The following SCRN1 variants were observed in gnomAD, a reference collection of about 807,000 sequenced individuals.
SCRN1 encodes secernin 1.
SCRN1 carries 19 observed loss-of-function variants against 43.3 expected under a neutral mutation model. The ratio of observed to expected loss-of-function variants is 0.44; its 90% CI spans 0.31 to 0.64. The LOEUF is 0.64. SCRN1 is among the 30% of genes least tolerant of loss of function. The probability of loss-of-function intolerance (pLI) is 0.09; values close to 1 mark genes in which losing one functional copy is unlikely to be tolerated. For missense variants in SCRN1, 447 were observed against 524.1 expected (o/e 0.85, Z 1.44); for synonymous variants, 183 against 188.9 (o/e 0.97, Z 0.26).
In SCRN1 at chr7:29,922,708, G is replaced by A. The variant is rs1158799789; in HGVS notation, c.*1249C>T. The A allele has an allele frequency of 6.6e-6, 1 of 152,424 alleles. No individual in the cohort carries two copies. Among genetic ancestry groups the A allele is most frequent in the African/African-American group, 2.4e-5 (1 of 41,472 alleles). 9.4% of individuals were successfully genotyped at this position (152,424 alleles called of 1,614,324 possible). ...AGGAGTGGGGGGAAGATCCAGGGAA[G>A]TCAGCTGCTTTGTATTTGGGTTTGT... is the stretch of plus-strand genomic sequence containing the variant. On this transcript the variant is annotated 3_prime_UTR_variant, in exon 8 of 8. Transcript: ENST00000242059.
chr7:29,982,864 G>A (rs1180496542), intron 1 of SCRN1, among the ~76,000 whole-genome samples: 4 of 148,718 alleles, frequency 2.7e-5, no homozygotes, highest in South Asian at 2.1e-4. Context: ...TTTTTGAGAC[G>A]GATTCTCGCC....
chr7:29,969,818 C>T (rs1386361574), intron 1 of SCRN1: 3 of 456,188 alleles, frequency 6.6e-6, no homozygotes, highest in Non-Finnish European at 1.3e-5. Context: ...AGCCTCTGAC[C>T]CACAGACCCA....
intron 1 of SCRN1, among the ~76,000 whole-genome samples, chr7:29,987,389 A>C (rs1789196122): frequency 6.6e-6 from 1 of 152,248 alleles, no homozygotes; most frequent in Non-Finnish European, 1.5e-5. Context: ...TTAAAATTAG[A>C]AACAGTCGAA....
At chr7:29,938,598 C>A (rs764800497) in intron 5 of SCRN1, among the ~76,000 whole-genome samples, 5 of 152,246 alleles carry the variant, frequency 3.3e-5, no homozygotes, top group Non-Finnish European at 7.3e-5. Flanking sequence ...CGCTTAAAGG[C>A]TTTCTTAAAC....
intron 2 of SCRN1, among the ~76,000 whole-genome samples, chr7:29,961,691 G>T (rs993746077): frequency 2.0e-5 from 3 of 152,044 alleles, no homozygotes; most frequent in Non-Finnish European, 4.4e-5. Flanking sequence ...GGCTGGCCGG[G>T]CAGAGGGGCT....
At chr7:29,989,848 G>A, upstream of SCRN1, 1 of 848,124 alleles carries the variant, frequency 1.2e-6, no homozygotes, top group South Asian at 5.9e-5. Context: ...CCCGACTCAC[G>A]TGACCGCGGG....
chr7:29,938,480 C>G (rs1787416957), intron 5 of SCRN1, among the ~76,000 whole-genome samples: 1 of 152,272 alleles, frequency 6.6e-6, no homozygotes, highest in Non-Finnish European at 1.5e-5. Context: ...TAAGCAAAAT[C>G]TCTGCAGCAC....
chr7:29,984,835 C>T lies in SCRN1; in HGVS notation c.-2+4807G>A, dbSNP rs541626087. Among the ~76,000 whole-genome samples, 16 of 135,610 alleles carry T rather than the reference C, an allele frequency of 1.2e-4. No individual in the cohort carries two copies. The East Asian group carries it at 2.4e-3, about 20-fold the overall frequency. The allele number at this position is 135,610 out of a possible 152,430, so 89.0% of individuals were successfully genotyped here. On this transcript the variant is annotated intron_variant, in intron 1 of 7. Transcript: ENST00000242059. ...GCTCAGAAGGTTGGGACAGGAGAATCGCTTGAACCTGGGGCAGAGGTTGCA... is the reference window on the plus strand; with the variant it reads ...GCTCAGAAGGTTGGGACAGGAGAATTGCTTGAACCTGGGGCAGAGGTTGCA...
chr7:29,966,864 C>T (rs1457540283), intron 2 of SCRN1, among the ~76,000 whole-genome samples: 3 of 152,092 alleles, frequency 2.0e-5, no homozygotes, highest in African/African-American at 7.2e-5. Context: ...TAAGCAGCCC[C>T]TCATAGAGTT....
chr7:29,930,438 C>T (rs1787119434), intron 6 of SCRN1, among the ~76,000 whole-genome samples: 1 of 152,184 alleles, frequency 6.6e-6, no homozygotes, highest in African/African-American at 2.4e-5. Flanking sequence ...CTGACATTTT[C>T]CCACAGGTAA....
At chr7:29,944,895 A>G (rs922253717) in intron 3 of SCRN1, among the ~76,000 whole-genome samples, 1 of 151,982 alleles carries the variant, frequency 6.6e-6, no homozygotes, top group Non-Finnish European at 1.5e-5. Context: ...CCTGACTCTA[A>G]CCTGGGCAAA....
At chr7:29,934,375 T>C (rs1787254094) in intron 6 of SCRN1, among the ~76,000 whole-genome samples, 1 of 152,156 alleles carries the variant, frequency 6.6e-6, no homozygotes, top group Non-Finnish European at 1.5e-5. Flanking sequence ...CTGAGCACAG[T>C]TAGAGCTGGT....
chr7:29,990,262 C>G (rs373051038), upstream of SCRN1: 15 of 1,551,376 alleles, frequency 9.7e-6, no homozygotes, highest in African/African-American at 1.4e-5. Flanking sequence ...AGACCCTGTC[C>G]CAGGTACTTG....
chr7:29,984,740 G>A (rs1001565614), intron 1 of SCRN1, among the ~76,000 whole-genome samples: 12 of 150,380 alleles, frequency 8.0e-5, no homozygotes, highest in African/African-American at 2.9e-4. Flanking sequence ...GGCCAACATG[G>A]TGAAACCCCG....
intron 6 of SCRN1, among the ~76,000 whole-genome samples, chr7:29,934,959 C>T (rs571645664): frequency 4.6e-5 from 7 of 152,324 alleles, no homozygotes; most frequent in South Asian, 2.1e-4. Context: ...TTGCATGTGC[C>T]GTCCTCTCCA....
At chr7:29,980,348 T>C (rs2127931058) in intron 1 of SCRN1, among the ~76,000 whole-genome samples, 1 of 152,284 alleles carries the variant, frequency 6.6e-6, no homozygotes, top group East Asian at 1.9e-4. Context: ...TTCATTTCCT[T>C]CTGTTCTTAT....
intron 7 of SCRN1, among the ~76,000 whole-genome samples, chr7:29,925,174 TC>T (rs1786899990): frequency 6.6e-6 from 1 of 152,210 alleles, no homozygotes; most frequent in Admixed American, 6.5e-5. Context: ...CTTCCGATTA[TC>T]TGCCAGCCTT....
chr7:29,963,664 C>T (rs1047047428), intron 2 of SCRN1, among the ~76,000 whole-genome samples: 5 of 152,298 alleles, frequency 3.3e-5, no homozygotes, highest in Admixed American at 2.0e-4. Context: ...ATGGTATCTA[C>T]ACATGCACAA....
In SCRN1 at chr7:29,926,531, C is replaced by G. The variant is rs746311935; in HGVS notation, c.1007G>C (p.Arg336Pro). 9.3e-6 allele frequency: 15 copies of G among 1,613,996 alleles called. No individual in the cohort carries two copies. The highest frequency in any genetic ancestry group is 1.3e-5 in the Non-Finnish European group (15 of 1,180,040). ...CCGGCGGTCTGGTTTCTCCTGGAAC[C>G]GAGGCTCCTTTTTGGCAGGGTCGTC... ...GDDDPAKKEP[R>P]FQEKPDRRHE... The change falls in exon 7 of 8, where the codon CGG (arginine) becomes CCG (proline). Residue 336 changes from arginine (R) to proline (P), a missense_variant. Transcript: ENST00000242059.
Sources: gnomAD v4.1 joint callset for allele counts (sites outside exome capture counted in the v4.1 genomes callset) on GRCh38, gnomAD v4.1.1 for gene constraint, MANE v1.5 for transcripts, NCBI Gene and HGNC (gene_info 2026-07-23, HGNC 2026-07-21) for gene names.